Variants in KIAA1217 observed in about 807,000 individuals in gnomAD.
KIAA1217 encodes sickle tail protein homolog.
In KIAA1217, 88 loss-of-function variants were observed where a neutral mutation model predicts 163.9. The observed-to-expected ratio is 0.54, with a 90% CI of 0.45 to 0.64. KIAA1217 has a LOEUF of 0.64. KIAA1217 is among the 30% of genes least tolerant of loss of function. KIAA1217 has a pLI of 0.00. For missense variants in KIAA1217, 2,372 were observed against 2,475.0 expected, an observed-to-expected ratio of 0.96 and a Z score of 0.88; for synonymous variants, 903 against 923.1, an observed-to-expected ratio of 0.98 and a Z score of 0.39.
chr10:24,236,160 T>TA (rs78297244), intron 2 of KIAA1217, among the ~76,000 whole-genome samples: 34,447 of 152,146 alleles, frequency 0.23, 3,998 homozygotes, highest in South Asian at 0.35. Context: ...ATTTGAATGA[T>TA]AAAAAAATTG....
intron 2 of KIAA1217, among the ~76,000 whole-genome samples, chr10:24,160,762 T>C (rs1050689550): frequency 6.6e-6 from 1 of 152,162 alleles, no homozygotes; most frequent in African/African-American, 2.4e-5. Flanking sequence ...AAATTGAGTA[T>C]ATTAGAGACA....
At chr10:23,756,103 T>C (rs1588728002) in intron 1 of KIAA1217, among the ~76,000 whole-genome samples, 1 of 151,366 alleles carries the variant, frequency 6.6e-6, no homozygotes, top group African/African-American at 2.4e-5. Context: ...GCCACAGACA[T>C]GCACCACCAC....
intron 2 of KIAA1217, among the ~76,000 whole-genome samples, chr10:24,309,147 A>AG (rs2042346685): frequency 9.2e-6 from 1 of 108,190 alleles, no homozygotes; most frequent in Non-Finnish European, 1.8e-5. Context: ...AAAGGAAGGA[A>AG]GGAAGGGAGG....
chr10:24,308,240 CAT>C (rs1357324972), intron 2 of KIAA1217, among the ~76,000 whole-genome samples: 2 of 152,144 alleles, frequency 1.3e-5, no homozygotes, highest in Non-Finnish European at 2.9e-5. Flanking sequence ...ACTGATAGCA[CAT>C]GTGTTTCAGA....
At chr10:23,787,473 G>T (rs1835546840) in intron 1 of KIAA1217, among the ~76,000 whole-genome samples, 1 of 152,092 alleles carries the variant, frequency 6.6e-6, no homozygotes, top group African/African-American at 2.4e-5. Context: ...TCAGGAGCTT[G>T]CCAAATCCAG....
intron 2 of KIAA1217, among the ~76,000 whole-genome samples, chr10:24,132,172 G>T (rs917214464): frequency 6.6e-6 from 1 of 152,174 alleles, no homozygotes; most frequent in African/African-American, 2.4e-5. Flanking sequence ...TGACAGTGAT[G>T]TACCTCACTT....
chr10:24,286,851 C>A (rs188004694), intron 2 of KIAA1217, among the ~76,000 whole-genome samples: 24 of 152,302 alleles, frequency 1.6e-4, no homozygotes, highest in Non-Finnish European at 2.9e-5. Context: ...AAAATACCCA[C>A]ACCCTCTTTC....
intron 1 of KIAA1217, among the ~76,000 whole-genome samples, chr10:23,972,269 C>T (rs755710203): frequency 9.2e-5 from 14 of 152,194 alleles, no homozygotes; most frequent in Admixed American, 2.6e-4. Flanking sequence ...TGGGTATATA[C>T]GCAAAGAAAT....
At chr10:24,477,920 C>T (rs919588822) in intron 6 of KIAA1217, among the ~76,000 whole-genome samples, 1 of 152,150 alleles carries the variant, frequency 6.6e-6, no homozygotes, top group African/African-American at 2.4e-5. Flanking sequence ...ATTTTCAACC[C>T]CTTAAAGCTT....
intron 2 of KIAA1217, among the ~76,000 whole-genome samples, chr10:24,087,737 A>G (rs1328493824): frequency 6.6e-6 from 1 of 152,218 alleles, no homozygotes; most frequent in African/African-American, 2.4e-5. Flanking sequence ...GACTGCAATG[A>G]GATGTGGGGT....
chr10:24,346,451 G>T (rs1445658055), intron 2 of KIAA1217, among the ~76,000 whole-genome samples: 1 of 151,894 alleles, frequency 6.6e-6, no homozygotes. Context: ...CAGCCTGGGG[G>T]ACAGAGCGAG....
rs114153835 is a variant in KIAA1217 at position 24,091,512 on chromosome 10, A to G, written c.-171+84138A>G. On this transcript the variant is annotated intron_variant, in intron 2 of 18. Transcript: ENST00000376462. ...GCAAGGAAATGTGTTTACGTTATCA[A>G]GAAAGTTAACAAATTGCCAAACTGT... Among the ~76,000 whole-genome samples the G allele has an allele frequency of 4.7e-3, 716 of 151,968 alleles. 23 individuals carry two copies. The highest frequency in any genetic ancestry group is 0.017 in the African/African-American group (686 of 41,214).
At chr10:24,030,190 G>A (rs1366055860) in intron 2 of KIAA1217, among the ~76,000 whole-genome samples, 2 of 152,168 alleles carry the variant, frequency 1.3e-5, no homozygotes, top group African/African-American at 4.8e-5. Flanking sequence ...TAATTGTGCA[G>A]TTCTATGGCA....
At chr10:23,849,081 A>G (rs1015472035) in intron 1 of KIAA1217, among the ~76,000 whole-genome samples, 1 of 152,146 alleles carries the variant, frequency 6.6e-6, no homozygotes, top group African/African-American at 2.4e-5. Context: ...ATGGGGAAAT[A>G]AGACAATATG....
intron 2 of KIAA1217, among the ~76,000 whole-genome samples, chr10:24,285,494 T>C (rs766922030): frequency 6.6e-6 from 1 of 152,194 alleles, no homozygotes; most frequent in Non-Finnish European, 1.5e-5. Context: ...CTTAGTCTTA[T>C]TGACTTTGTT....
intron 3 of KIAA1217, among the ~76,000 whole-genome samples, chr10:24,411,160 C>T (rs2057737779): frequency 6.6e-6 from 1 of 152,046 alleles, no homozygotes; most frequent in African/African-American, 2.4e-5. Context: ...TAAATTTGGT[C>T]CTGACATGCA....
chr10:24,260,974 G>A (rs1188627604), intron 2 of KIAA1217, among the ~76,000 whole-genome samples: 1 of 152,130 alleles, frequency 6.6e-6, no homozygotes, highest in African/African-American at 2.4e-5. Context: ...AGTATTGGAA[G>A]GGGGAGGACA....
At chr10:24,495,095 A>G in intron 7 of KIAA1217, 52 bp from the exon 8 acceptor site, 1 of 1,525,020 alleles carries the variant, frequency 6.6e-7, no homozygotes. Context: ...TAAAAAAAAA[A>G]AAAAAGGCAT....
chr10:23,796,367 A>T (rs1477831711), intron 1 of KIAA1217, among the ~76,000 whole-genome samples: 1 of 151,336 alleles, frequency 6.6e-6, no homozygotes. Context: ...TTATTTATTT[A>T]TTTATTTTTT....
Sources: gnomAD v4.1 joint callset for allele counts (sites outside exome capture counted in the v4.1 genomes callset) on GRCh38, gnomAD v4.1.1 for gene constraint, MANE v1.5 for transcripts, NCBI Gene and HGNC (gene_info 2026-07-23, HGNC 2026-07-21) for gene names.